FGFR3: variants seen among roughly 807,000 people sequenced by gnomAD.
The protein encoded by FGFR3 is fibroblast growth factor receptor 3, also known as FGFR-3.
FGFR3 carries 25 observed loss-of-function variants against 82.9 expected under a neutral mutation model. That is an observed-to-expected ratio of 0.30 (90% CI 0.22 to 0.42). FGFR3 has a LOEUF of 0.42. Ranked by LOEUF, FGFR3 falls within the 10% of genes least tolerant of loss-of-function variation. The pLI is 1.00. For missense variants in FGFR3, 1,026 were observed against 1,161.0 expected, an observed-to-expected ratio of 0.88 and a Z score of 1.69; for synonymous variants, 620 against 516.0, an observed-to-expected ratio of 1.20 and a Z score of -2.73.
chr4:1,806,113 C>T lies in FGFR3; in HGVS notation c.1899C>T (p.Ile633=), dbSNP rs748492424. The change falls in exon 14 of 18, where the codon ATC becomes ATT. Residue 633 remains isoleucine (I), a synonymous_variant. Transcript: ENST00000440486. ...TGACCGAGGACAACGTGATGAAGAT[C>T]GCAGACTTCGGGCTGGCCCGGGACG... ...VLVTEDNVMK[I]ADFGLARDVH... is the part of the protein sequence containing the mutation. 1.5e-5 allele frequency: 25 copies of T among 1,613,494 alleles called. No individual in the cohort carries two copies. The highest frequency in any genetic ancestry group is 6.7e-5 in the East Asian group (3 of 44,890).
intron 2 of FGFR3, among the ~76,000 whole-genome samples, chr4:1,796,426 C>T (rs894163833): frequency 3.6e-4 from 55 of 152,078 alleles, no homozygotes; most frequent in African/African-American, 1.3e-3. Context: ...TTTTATAGCT[C>T]CTACCTGGCA....
intron 7 of FGFR3, chr4:1,802,878 G>C (rs766933132): frequency 6.4e-7 from 1 of 1,562,846 alleles, no homozygotes; most frequent in Non-Finnish European, 8.6e-7. Flanking sequence ...GGGCTGCCTC[G>C]GGGGCGTGCC....
At position 1,807,098 on chromosome 4, in the gene FGFR3, C is replaced by T. The variant is rs2108816717; in HGVS notation, c.2275-18C>T. The T allele has an allele frequency of 6.4e-7, 1 of 1,565,780 alleles. No individual in the cohort carries two copies. The highest frequency in any genetic ancestry group is 8.7e-7 in the Non-Finnish European group (1 of 1,155,968). On this transcript the variant is annotated intron_variant, in intron 17 of 17. Coordinates refer to ENST00000440486, the MANE Select transcript of FGFR3 (RefSeq NM_000142.5). ...AGGGGCTCGGTGGCACAGCGCTCACCCCGCCTCCCGCCAGCAGGAGTACCT... is the reference window on the plus strand; with the variant it reads ...AGGGGCTCGGTGGCACAGCGCTCACTCCGCCTCCCGCCAGCAGGAGTACCT...
chr4:1,807,447 G>T lies in FGFR3; in HGVS notation c.*185G>T. On this transcript the variant is annotated 3_prime_UTR_variant, in exon 18 of 18. Transcript: ENST00000440486. ...CATCCGCGTGTGCCTGTGTGCGTGC[G>T]CATCTTGCCTCCAGGTGCAGAGGTA... 1 of 931,046 alleles carries T rather than the reference G, an allele frequency of 1.1e-6. No homozygotes were observed. The highest frequency in any genetic ancestry group is 2.6e-5 in the East Asian group (1 of 38,132). 57.7% of individuals were successfully genotyped at this position (931,046 alleles called of 1,614,324 possible). A position where few individuals can be genotyped will look rare whatever the true frequency, so the allele number is the denominator to read the frequency against.
chr4:1,794,497 A>C (rs935282867), intron 2 of FGFR3, among the ~76,000 whole-genome samples: 4 of 152,176 alleles, frequency 2.6e-5, no homozygotes, highest in Non-Finnish European at 5.9e-5. Flanking sequence ...TGTGCGCGTC[A>C]GCGAAGCCCG....
rs1311750160 is a variant in FGFR3, at chr4:1,799,812, G to A, written c.445G>A (p.Gly149Arg). 6.2e-7 allele frequency: 1 copy of A among 1,612,600 alleles called. No homozygotes were observed. Among genetic ancestry groups the A allele is most frequent in the South Asian group, 1.1e-5 (1 of 91,010 alleles). The change falls in exon 4 of 18, where the codon GGG (glycine) becomes AGG (arginine). Residue 149 changes from glycine (G) to arginine (R), a missense_variant and splice_region_variant. Coordinates refer to ENST00000440486, the MANE Select transcript of FGFR3 (RefSeq NM_000142.5). ...DEAEDTGVDT[G>R]APYWTRPERM... ...GGCTGAGGACACAGGTGTGGACACA[G>A]GTAGGAGCAGGGTCCAGGGTTCAGG...
chr4:1,808,232 A>G lies in FGFR3; in HGVS notation c.*970A>G. The G allele has an allele frequency of 4.3e-6, 1 of 232,766 alleles. No individual in the cohort carries two copies. The highest frequency in any genetic ancestry group is 1.3e-3 in the Middle Eastern group (1 of 784). 14.4% of individuals were successfully genotyped at this position (232,766 alleles called of 1,614,324 possible). A position where few individuals can be genotyped will look rare whatever the true frequency, so the allele number is the denominator to read the frequency against. Reference sequence around the variant, plus strand: ...ACAACCGAGAAGGTTTATCCCGCCGATAGAGGGACGGCCAAGAATGTACGT... The same window carrying G: ...ACAACCGAGAAGGTTTATCCCGCCGGTAGAGGGACGGCCAAGAATGTACGT... On this transcript the variant is annotated 3_prime_UTR_variant, in exon 18 of 18. Transcript: ENST00000440486.
chr4:1,805,697 G>A (rs2108803921), intron 12 of FGFR3, 28 bp downstream of exon 12: 1 of 1,611,330 alleles, frequency 6.2e-7, no homozygotes, highest in South Asian at 1.1e-5. Context: ...GGTGGTGCCG[G>A]CTGGGCGGCC....
rs1313928375 is a variant in FGFR3, at chr4:1,799,468, C to T, written c.324C>T (p.Ser108=). The part of the protein sequence containing the change: ...NASHEDSGAY[S]CRQRLTQRVL... ...CCCACGAGGACTCCGGGGCCTACAG[C>T]TGCCGGCAGCGGCTCACGCAGCGCG... Residue 108 remains serine (S), a synonymous_variant, in exon 3 of 18, where the codon AGC becomes AGT. Transcript: ENST00000440486. The T allele has an allele frequency of 2.5e-6, 4 of 1,594,550 alleles. No homozygotes were observed. The highest frequency in any genetic ancestry group is 3.4e-6 in the Non-Finnish European group (4 of 1,171,324).
At position 1,807,400 on chromosome 4, in the gene FGFR3, CGTGTGTGTGTGTGT is replaced by C. The variant is rs34562534; in HGVS notation, c.*144_*157del. 101 of 886,222 alleles carry C rather than the reference CGTGTGTGTGTGTGT, an allele frequency of 1.1e-4. No individual in the cohort carries two copies. The highest frequency in any genetic ancestry group is 1.6e-4 in the Non-Finnish European group (89 of 572,850). The allele number at this position is 886,222 out of a possible 1,614,324, so 54.9% of individuals were successfully genotyped here. A position where few individuals can be genotyped will look rare whatever the true frequency, so the allele number is the denominator to read the frequency against. ...GCTTTGGTCTGTGTGTGTGTGTGTG[CGTGTGTGTGTGTGT>C]GTGTGCACATCCGCGTGTGCCTGTG... On this transcript the variant is annotated 3_prime_UTR_variant, in exon 18 of 18. Coordinates refer to ENST00000440486, the MANE Select transcript of FGFR3 (RefSeq NM_000142.5).
intron 7 of FGFR3, chr4:1,803,108 C>T: frequency 1.3e-6 from 2 of 1,509,504 alleles, no homozygotes; most frequent in East Asian, 2.6e-5. Context: ...AGCTCCAGCT[C>T]CAAGGCCCTG....
rs781152611 is a variant in FGFR3, at chr4:1,807,361, G to A, written c.*99G>A. The A allele has an allele frequency of 3.3e-5, 49 of 1,478,218 alleles. 3 individuals are homozygous for A. Among genetic ancestry groups the A allele is most frequent in the Admixed American group, 3.9e-5 (2 of 50,982 alleles). The allele number at this position is 1,478,218 out of a possible 1,614,324, so 91.6% of individuals were successfully genotyped here. ...GCATGAGACTCAGTGCAGATGGAGAGACAGCTACACAGAGCTTTGGTCTGT... is the reference window on the plus strand; with the variant it reads ...GCATGAGACTCAGTGCAGATGGAGAAACAGCTACACAGAGCTTTGGTCTGT... On this transcript the variant is annotated 3_prime_UTR_variant, in exon 18 of 18. Transcript: ENST00000440486.
rs2108784017 is a variant in FGFR3, at chr4:1,801,908, G to A, written c.813G>A (p.Val271=). 1 of 1,612,320 alleles carries A rather than the reference G, an allele frequency of 6.2e-7. No homozygotes were observed. Among genetic ancestry groups the A allele is most frequent in the African/African-American group, 1.3e-5 (1 of 75,048 alleles). ...ANQTAVLGSD[V]EFHCKVYSDA... is the part of the protein sequence containing the mutation. ...AGACGGCGGTGCTGGGCAGCGACGT[G>A]GAGTTCCACTGCAAGGTGTACAGTG... Residue 271 remains valine, a synonymous_variant, in exon 7 of 18, where the codon GTG becomes GTA. Transcript: ENST00000440486.
chr4:1,799,759 C>T lies in FGFR3; in HGVS notation c.392C>T (p.Ser131Leu), dbSNP rs766911583. The T allele has an allele frequency of 6.2e-7, 1 of 1,612,992 alleles. No homozygotes were observed. The highest frequency in any genetic ancestry group is 8.5e-7 in the Non-Finnish European group (1 of 1,179,938). Reference protein sequence around the residue: ...FSVRVTDAPSSGDDEDGEDEA... With the variant: ...FSVRVTDAPSLGDDEDGEDEA... The stretch of plus-strand genomic sequence containing the variant: ...CTCTGCCTTGCAGACGCTCCATCCT[C>T]GGGAGATGACGAAGACGGGGAGGAC... The change falls in exon 4 of 18, where the codon TCG becomes TTG. Residue 131 changes from serine to leucine, a missense_variant. By Grantham distance (145) the Ser-to-Leu change is moderately radical (BLOSUM62 -2). This residue lies in a region of FGFR3 where 226 missense variants were observed against 222.0 expected (regional missense o/e 1.02). Coordinates refer to ENST00000440486, the MANE Select transcript of FGFR3 (RefSeq NM_000142.5).
Position 1,798,287 on chromosome 4 carries a change from T to A in FGFR3, c.110-967T>A, listed in dbSNP as rs566260720. On this transcript the variant is annotated intron_variant, in intron 2 of 17. Transcript: ENST00000440486. ...CTGACCTGCCCTGGCTCTCACAGCT[T>A]CCTGCCCCCAGCCTGGTCGTCCTCT... Among the ~76,000 whole-genome samples the A allele has an allele frequency of 4.2e-4, 64 of 151,840 alleles. 1 individual carries two copies. In the Middle Eastern group the frequency reaches 0.021, roughly 49 times the overall value.
At chr4:1,805,326 A>C (rs3135894) in intron 10 of FGFR3, 29 bp from the exon 11 acceptor site, 6 of 1,608,524 alleles carry the variant, frequency 3.7e-6, no homozygotes, top group Admixed American at 1.7e-5. Context: ...GAGTTTGCAC[A>C]CTCATGGTCC....
At position 1,793,973 on chromosome 4, in the gene FGFR3, C is replaced by G. The variant is rs1720152391; in HGVS notation, c.39C>G (p.Ala13=). ...CCTGCGCCCTCGCGCTCTGCGTGGC[C>G]GTGGCCATCGTGGCCGGCGCCTCCT... is the stretch of plus-strand genomic sequence containing the variant. The part of the protein sequence containing the change: ...APACALALCV[A]VAIVAGASSE... The change falls in exon 2 of 18, where the codon GCC becomes GCG. Residue 13 remains alanine, a synonymous_variant. Coordinates refer to ENST00000440486, the MANE Select transcript of FGFR3 (RefSeq NM_000142.5). 7.2e-7 allele frequency: 1 copy of G among 1,379,330 alleles called. No individual in the cohort carries two copies. The highest frequency in any genetic ancestry group is 1.5e-5 in the African/African-American group (1 of 66,836). The allele number at this position is 1,379,330 out of a possible 1,614,324, so 85.4% of individuals were successfully genotyped here.
chr4:1,796,424 C>T (rs1055529640), intron 2 of FGFR3, among the ~76,000 whole-genome samples: 2 of 152,112 alleles, frequency 1.3e-5, no homozygotes, highest in African/African-American at 2.4e-5. Flanking sequence ...TATTTTATAG[C>T]TCCTACCTGG....
At chr4:1,804,773 C>G (rs1185594179) in intron 9 of FGFR3, 51 bp from the exon 10 acceptor site, 5 of 1,547,710 alleles carry the variant, frequency 3.2e-6, no homozygotes, top group Non-Finnish European at 4.4e-6. Context: ...GGCTGTACCT[C>G]CACGCCCTGT....
Sources: allele counts gnomAD v4.1 joint callset (sites outside exome capture counted in the v4.1 genomes callset), GRCh38; gene constraint gnomAD v4.1.1; regional missense constraint gnomAD v4.1.1; transcripts MANE v1.5; gene names NCBI Gene and HGNC (gene_info 2026-07-23, HGNC 2026-07-21).